The following LRSAM1 variants were observed in gnomAD, a reference collection of about 807,000 sequenced individuals.
The protein encoded by LRSAM1 is E3 ubiquitin-protein ligase LRSAM1.
Under a neutral mutation model 118.1 loss-of-function variants are expected in LRSAM1, and 96 were observed. The observed-to-expected ratio is 0.81, with a 90% CI of 0.69 to 0.96. The LOEUF (loss-of-function observed/expected upper bound fraction) is 0.96, where lower values mean the gene tolerates loss of function less well. Among genes scored for constraint, LRSAM1 ranks in the 40% least tolerant of loss-of-function variants. The pLI is 0.00. For missense variants in LRSAM1, 804 were observed against 915.5 expected (o/e 0.88, Z 1.57); for synonymous variants, 322 against 364.2 (o/e 0.88, Z 1.32).
chr9:127,482,910 A>G (rs147107222), intron 15 of LRSAM1, 40 bp from the exon 16 acceptor site: 1 of 1,539,260 alleles, frequency 6.5e-7, no homozygotes, highest in East Asian at 2.4e-5. Context: ...CCTGTTGGAA[A>G]TGTTAAATTT....
chr9:127,500,819 T>C (rs559349895), intron 24 of LRSAM1, among the ~76,000 whole-genome samples, 191 bp from the exon 25 acceptor site: 5 of 152,196 alleles, frequency 3.3e-5, no homozygotes, highest in Non-Finnish European at 7.4e-5. Context: ...ATTCTGCAGA[T>C]GGGAAATGAG....
rs759232309 is a variant in LRSAM1 at position 127,467,930 on chromosome 9, C to T, written c.619+100C>T. On this transcript the variant is annotated intron_variant, in intron 10 of 25. Transcript: ENST00000300417. Reference sequence around the variant, plus strand: ...TGGGGAACAGCAGAGACAGAAATGGCCACAGTGCCTACCTGCTTGGAGTTC... The same window carrying T: ...TGGGGAACAGCAGAGACAGAAATGGTCACAGTGCCTACCTGCTTGGAGTTC... 1.1e-4 allele frequency: 130 copies of T among 1,168,954 alleles called. 1 individual carries two copies. The highest frequency in any genetic ancestry group is 3.7e-4 in the South Asian group (28 of 76,402). 72.4% of individuals were successfully genotyped at this position (1,168,954 alleles called of 1,614,324 possible). A position where few individuals can be genotyped will look rare whatever the true frequency, so the allele number is the denominator to read the frequency against.
intron 7 of LRSAM1, among the ~76,000 whole-genome samples, chr9:127,459,520 A>G (rs1834656503): frequency 6.7e-6 from 1 of 148,824 alleles, no homozygotes; most frequent in South Asian, 2.1e-4. Flanking sequence ...CGCCTGACCA[A>G]TTGTACCACT....
At chr9:127,457,172 G>A in intron 5 of LRSAM1, 144 bp from the exon 6 acceptor site, 1 of 814,184 alleles carries the variant, frequency 1.2e-6, no homozygotes, top group South Asian at 1.4e-5. Flanking sequence ...GAGAGTTCAT[G>A]ATACTGACCC....
At chr9:127,474,188 C>G (rs1835275592) in intron 11 of LRSAM1, among the ~76,000 whole-genome samples, 1 of 152,154 alleles carries the variant, frequency 6.6e-6, no homozygotes, top group Admixed American at 6.5e-5. Flanking sequence ...TGATCCTTCC[C>G]TCTTCAGGGC....
chr9:127,457,314 A>T lies in LRSAM1; in HGVS notation c.175-2A>T, dbSNP rs1035054313. ...AGCATGGCCGCACATCTCTCCACACAGGTGCTGATCGTCCACACGAATCAC... is the reference window on the plus strand; with the variant it reads ...AGCATGGCCGCACATCTCTCCACACTGGTGCTGATCGTCCACACGAATCAC... On this transcript the variant is annotated splice_acceptor_variant, in intron 5 of 25. Transcript: ENST00000300417. LOFTEE classifies it high-confidence loss of function. 5 of 1,614,064 alleles carry T rather than the reference A, an allele frequency of 3.1e-6. 1 individual carries two copies. Among genetic ancestry groups the T allele is most frequent in the Non-Finnish European group, 4.2e-6 (5 of 1,180,012 alleles).
Position 127,502,995 on chromosome 9 carries a change from G to T in LRSAM1, c.*96G>T. On this transcript the variant is annotated 3_prime_UTR_variant, in exon 26 of 26. Coordinates refer to ENST00000300417, the MANE Select transcript of LRSAM1 (RefSeq NM_001005373.4). Reference sequence around the variant, plus strand: ...CCTTGTGCCAGCCAGACTCGTATGAGGCTCCCCCCTGCCCTGGGCCCCTTC... The same window carrying T: ...CCTTGTGCCAGCCAGACTCGTATGATGCTCCCCCCTGCCCTGGGCCCCTTC... 1 of 1,502,628 alleles carries T rather than the reference G, an allele frequency of 6.7e-7. No individual in the cohort carries two copies. The highest frequency in any genetic ancestry group is 2.0e-5 in the Admixed American group (1 of 50,894). The allele number at this position is 1,502,628 out of a possible 1,614,324, so 93.1% of individuals were successfully genotyped here.
chr9:127,470,689 A>G (rs1835134452), intron 10 of LRSAM1, among the ~76,000 whole-genome samples: 1 of 152,088 alleles, frequency 6.6e-6, no homozygotes, highest in Non-Finnish European at 1.5e-5. Flanking sequence ...AAGTGGAAAG[A>G]ATGAGCCACT....
At chr9:127,452,267 G>A (rs568193083) in intron 2 of LRSAM1, 183 bp downstream of exon 2, 1 of 152,450 alleles carries the variant, frequency 6.6e-6, no homozygotes, top group African/African-American at 2.4e-5. Flanking sequence ...CAGGAAGGGG[G>A]TGCAAGAGGG....
intron 9 of LRSAM1, among the ~76,000 whole-genome samples, chr9:127,467,301 C>T (rs906448868): frequency 6.6e-6 from 1 of 152,168 alleles, no homozygotes; most frequent in Non-Finnish European, 1.5e-5. Context: ...CTTAAACTAT[C>T]ACAAAGGGAT....
intron 19 of LRSAM1, 151 bp downstream of exon 19, chr9:127,489,669 C>T: frequency 6.0e-6 from 5 of 839,918 alleles, no homozygotes; most frequent in Non-Finnish European, 9.6e-6. Context: ...CTCAGAACCT[C>T]CCTTTGCTCC....
At chr9:127,478,777 C>T (rs1835426360) in intron 11 of LRSAM1, among the ~76,000 whole-genome samples, 157 bp from the exon 12 acceptor site, 2 of 152,162 alleles carry the variant, frequency 1.3e-5, no homozygotes, top group Non-Finnish European at 2.9e-5. Flanking sequence ...TTGATCAATA[C>T]GGATCCCCTC....
At chr9:127,498,728 C>CTT (rs556183402) in intron 24 of LRSAM1, among the ~76,000 whole-genome samples, 124 of 152,308 alleles carry the variant, frequency 8.1e-4, no homozygotes, top group Non-Finnish European at 1.0e-3. Flanking sequence ...TAGCAATTCT[C>CTT]TTATTACTCC....
chr9:127,454,634 A>G, intron 3 of LRSAM1, 35 bp downstream of exon 3: 1 of 1,604,972 alleles, frequency 6.2e-7, no homozygotes, highest in Non-Finnish European at 8.5e-7. Context: ...ACTCTATCCC[A>G]TCTCCTCCTC....
chr9:127,476,667 T>A (rs534392052), intron 11 of LRSAM1, among the ~76,000 whole-genome samples: 1 of 152,146 alleles, frequency 6.6e-6, no homozygotes, highest in African/African-American at 2.4e-5. Context: ...TCGAGGGTGA[T>A]GGAATTGTTT....
intron 16 of LRSAM1, among the ~76,000 whole-genome samples, chr9:127,484,303 C>G (rs1324699455): frequency 1.4e-5 from 2 of 142,620 alleles, no homozygotes; most frequent in African/African-American, 5.2e-5. Context: ...TTTCTAAACA[C>G]TGGCCCACCA....
intron 11 of LRSAM1, among the ~76,000 whole-genome samples, chr9:127,478,459 C>T (rs1422877253): frequency 2.0e-5 from 3 of 152,226 alleles, no homozygotes; most frequent in Non-Finnish European, 2.9e-5. Flanking sequence ...CCATGACTTA[C>T]GGACAGATGT....
At chr9:127,461,656 G>T (rs544506550) in intron 8 of LRSAM1, among the ~76,000 whole-genome samples, 1 of 152,230 alleles carries the variant, frequency 6.6e-6, no homozygotes, top group Non-Finnish European at 1.5e-5. Flanking sequence ...CAGGCTGAGG[G>T]CAGTGGTGCC....
At position 127,502,920 on chromosome 9, in the gene LRSAM1, C is replaced by T. The variant is rs780220372; in HGVS notation, c.*21C>T. 11 of 1,578,830 alleles carry T rather than the reference C, an allele frequency of 7.0e-6. No homozygotes were observed. In the Admixed American group the frequency reaches 7.3e-5, roughly 10 times the overall value. ...GCTGAGTGCTGCCCGCCCACCTGGGCCTGGTCCTAGCCCTGCCTCGGCCAC... is the reference window on the plus strand; with the variant it reads ...GCTGAGTGCTGCCCGCCCACCTGGGTCTGGTCCTAGCCCTGCCTCGGCCAC... On this transcript the variant is annotated 3_prime_UTR_variant, in exon 26 of 26. Transcript: ENST00000300417.
Sources: gnomAD v4.1 joint callset for allele counts (sites outside exome capture counted in the v4.1 genomes callset) on GRCh38, gnomAD v4.1.1 for gene constraint, MANE v1.5 for transcripts, NCBI Gene and HGNC (gene_info 2026-07-23, HGNC 2026-07-21) for gene names.